Variants in GSG1L observed in about 807,000 individuals in gnomAD.
The protein encoded by GSG1L is GSG1 like.
In GSG1L, 24 loss-of-function variants were observed where a neutral mutation model predicts 42.1. That is an observed-to-expected ratio of 0.57 (90% CI 0.41 to 0.80). GSG1L has a LOEUF of 0.80. Ranked by LOEUF, GSG1L falls within the 30% of genes least tolerant of loss-of-function variation. GSG1L has a pLI of 0.00. For missense variants in GSG1L, 445 were observed against 472.2 expected, an observed-to-expected ratio of 0.94 and a Z score of 0.53; for synonymous variants, 215 against 203.5, an observed-to-expected ratio of 1.06 and a Z score of -0.48.
At chr16:28,034,929 T>C (rs536638430) in intron 1 of GSG1L, among the ~76,000 whole-genome samples, 4 of 152,230 alleles carry the variant, frequency 2.6e-5, no homozygotes, top group Non-Finnish European at 5.9e-5. Flanking sequence ...TGCCAGCTTG[T>C]CCATCTGTAC....
intron 3 of GSG1L, among the ~76,000 whole-genome samples, chr16:27,862,338 G>T (rs1028696636): frequency 6.6e-6 from 1 of 152,132 alleles, no homozygotes; most frequent in African/African-American, 2.4e-5. Flanking sequence ...CTGAAGCCCT[G>T]AAAGAAACCA....
chr16:28,005,274 C>T (rs1248891648), intron 1 of GSG1L, among the ~76,000 whole-genome samples: 2 of 152,124 alleles, frequency 1.3e-5, no homozygotes, highest in African/African-American at 4.8e-5. Flanking sequence ...CCACCATGCC[C>T]AGCTAATTCT....
intron 2 of GSG1L, among the ~76,000 whole-genome samples, chr16:27,910,106 C>T (rs1025097057): frequency 2.6e-4 from 39 of 149,794 alleles, no homozygotes; most frequent in Admixed American, 2.5e-3. Flanking sequence ...ATTACAGGCA[C>T]ATGCCACCAT....
intron 2 of GSG1L, chr16:27,888,007 G>A: frequency 2.8e-6 from 2 of 712,130 alleles, no homozygotes; most frequent in Non-Finnish European, 3.5e-6. Context: ...CGCTGAGCCT[G>A]CAGGAGGGTG....
intron 2 of GSG1L, among the ~76,000 whole-genome samples, chr16:27,898,864 G>A (rs1435795394): frequency 6.6e-6 from 1 of 152,142 alleles, no homozygotes; most frequent in Non-Finnish European, 1.5e-5. Context: ...GGAAGACCAG[G>A]GCCATATTCC....
chr16:28,055,471 T>G (rs2086269192), intron 1 of GSG1L, among the ~76,000 whole-genome samples: 1 of 142,934 alleles, frequency 7.0e-6, no homozygotes, highest in Non-Finnish European at 1.6e-5. Flanking sequence ...TTTTATTATT[T>G]TTTTTAATTT....
chr16:27,882,970 C>T (rs1399972186), intron 3 of GSG1L, among the ~76,000 whole-genome samples: 2 of 151,430 alleles, frequency 1.3e-5, no homozygotes, highest in African/African-American at 2.4e-5. Context: ...ATTAGCTGGT[C>T]GTGGTCGGGG....
Position 27,845,009 on chromosome 16 carries a change from G to C in GSG1L, c.603C>G (p.Thr201=), listed in dbSNP as rs199498046. The C allele has an allele frequency of 1.3e-5, 21 of 1,613,820 alleles. No individual in the cohort carries two copies. The highest frequency in any genetic ancestry group is 1.7e-5 in the Admixed American group (1 of 60,010). ...HMMYTQVFQV[T]VSLGPEDWRP... is the part of the protein sequence containing the mutation. Reference sequence around the variant, plus strand: ...TCCAGTCCTCAGGACCGAGGCTCACGGTGACCTGGAACACCTGCGTGTACA... The same window carrying C: ...TCCAGTCCTCAGGACCGAGGCTCACCGTGACCTGGAACACCTGCGTGTACA... Residue 201 remains threonine (T), a synonymous_variant, in exon 4 of 7, where the codon ACC becomes ACG. Transcript: ENST00000447459.
chr16:28,017,202 G>T (rs918056217), intron 1 of GSG1L, among the ~76,000 whole-genome samples: 2 of 152,174 alleles, frequency 1.3e-5, no homozygotes, highest in East Asian at 1.9e-4. Flanking sequence ...TCATTCTGGG[G>T]TGACTGTTTG....
At chr16:27,916,847 A>C (rs1448525261) in intron 2 of GSG1L, among the ~76,000 whole-genome samples, 2 of 147,838 alleles carry the variant, frequency 1.4e-5, no homozygotes. Flanking sequence ...ATTGATCATC[A>C]TTAATGGAAA....
chr16:27,826,810 G>A (rs2083214912), intron 5 of GSG1L, among the ~76,000 whole-genome samples: 1 of 152,214 alleles, frequency 6.6e-6, no homozygotes. Flanking sequence ...CCTCAAGGCT[G>A]AGAGTCACAT....
intron 5 of GSG1L, among the ~76,000 whole-genome samples, chr16:27,816,372 G>A (rs2083094173): frequency 6.6e-6 from 1 of 152,210 alleles, no homozygotes. Context: ...TGCCCCAGAA[G>A]AGACAGAGTC....
At chr16:27,878,751 T>G (rs879846666) in intron 3 of GSG1L, among the ~76,000 whole-genome samples, 3 of 152,168 alleles carry the variant, frequency 2.0e-5, no homozygotes, top group Admixed American at 6.5e-5. Flanking sequence ...AAAGAAAAAC[T>G]TATCCAAACA....
chr16:27,804,216 C>A (rs553210010), intron 6 of GSG1L, among the ~76,000 whole-genome samples: 1 of 152,234 alleles, frequency 6.6e-6, no homozygotes, highest in Non-Finnish European at 1.5e-5. Context: ...CCCTGTCCTG[C>A]CTCCTGCCAC....
At chr16:27,929,963 C>T (rs1295609247) in intron 2 of GSG1L, among the ~76,000 whole-genome samples, 3 of 152,116 alleles carry the variant, frequency 2.0e-5, no homozygotes, top group African/African-American at 7.2e-5. Flanking sequence ...TGTGCAATAG[C>T]CAAGCCACTG....
chr16:28,045,134 G>A (rs538781373), intron 1 of GSG1L, among the ~76,000 whole-genome samples: 1 of 152,312 alleles, frequency 6.6e-6, no homozygotes, highest in South Asian at 2.1e-4. Context: ...ATACTACAAT[G>A]GTGGGTCCAT....
At chr16:28,023,647 G>A (rs945067091) in intron 1 of GSG1L, among the ~76,000 whole-genome samples, 4 of 152,136 alleles carry the variant, frequency 2.6e-5, no homozygotes, top group African/African-American at 9.7e-5. Flanking sequence ...TTGCCATCTT[G>A]GGGAAGGAAA....
At chr16:27,842,418 G>T (rs927557087) in intron 4 of GSG1L, among the ~76,000 whole-genome samples, 2 of 152,184 alleles carry the variant, frequency 1.3e-5, no homozygotes, top group African/African-American at 4.8e-5. Context: ...CTCAGGGCAG[G>T]TTACTTAAGT....
At chr16:28,029,494 T>C (rs990365938) in intron 1 of GSG1L, among the ~76,000 whole-genome samples, 4 of 152,030 alleles carry the variant, frequency 2.6e-5, no homozygotes, top group African/African-American at 9.7e-5. Flanking sequence ...GATGGAAAAA[T>C]GGATGGCTGA....
Sources: allele counts gnomAD v4.1 joint callset (sites outside exome capture counted in the v4.1 genomes callset), GRCh38; gene constraint gnomAD v4.1.1; transcripts MANE v1.5; gene names NCBI Gene and HGNC (gene_info 2026-07-23, HGNC 2026-07-21).